PARD3B: variants seen among roughly 807,000 people sequenced by gnomAD.
PARD3B encodes the protein par-3 family cell polarity regulator beta.
A neutral mutation model predicts 130.2 loss-of-function variants in PARD3B; 103 were observed. The observed-to-expected ratio is 0.79, with a 90% confidence interval of 0.67 to 0.93. The LOEUF is 0.93. Ranked by LOEUF, PARD3B falls within the 40% of genes least tolerant of loss-of-function variation. The probability of loss-of-function intolerance (pLI) is 0.00; values close to 1 mark genes in which losing one functional copy is unlikely to be tolerated. For synonymous variants in PARD3B, 583 were observed against 553.2 expected (o/e 1.05, Z -0.76); for missense variants, 1,609 against 1,499.2 (o/e 1.07, Z -1.21).
intron 16 of PARD3B, among the ~76,000 whole-genome samples, chr2:205,285,309 G>T (rs73056488): frequency 5.7e-4 from 87 of 152,164 alleles, no homozygotes; most frequent in African/African-American, 2.1e-3. Context: ...TGTTGTTGTT[G>T]TTGTTCTGCC....
chr2:205,261,251 G>T (rs1013000231), intron 16 of PARD3B, among the ~76,000 whole-genome samples: 1 of 151,916 alleles, frequency 6.6e-6, no homozygotes, highest in African/African-American at 2.4e-5. Context: ...TTTGTTAAAT[G>T]AATGAATGAA....
chr2:205,007,864 T>C (rs1695402688), intron 3 of PARD3B, among the ~76,000 whole-genome samples: 1 of 152,170 alleles, frequency 6.6e-6, no homozygotes. Flanking sequence ...TCTATGATTT[T>C]TTTTAGAAGT....
intron 6 of PARD3B, among the ~76,000 whole-genome samples, chr2:205,114,515 G>C (rs979933331): frequency 2.0e-5 from 3 of 152,024 alleles, no homozygotes; most frequent in African/African-American, 4.8e-5. Flanking sequence ...TCAAAGACGA[G>C]ACAAGTCAAT....
chr2:204,884,000 G>T (rs1443236801), intron 2 of PARD3B, among the ~76,000 whole-genome samples: 2 of 152,192 alleles, frequency 1.3e-5, no homozygotes, highest in East Asian at 3.9e-4. Context: ...GCCTCCCAAA[G>T]TGTTGGGATT....
chr2:205,419,336 A>G (rs987667423), intron 19 of PARD3B, among the ~76,000 whole-genome samples: 4 of 151,832 alleles, frequency 2.6e-5, no homozygotes, highest in Non-Finnish European at 4.4e-5. Flanking sequence ...TGCCTTCGCC[A>G]TGATGTGAGG....
intron 1 of PARD3B, among the ~76,000 whole-genome samples, chr2:204,637,627 G>A (rs568084289): frequency 6.6e-5 from 10 of 151,986 alleles, no homozygotes; most frequent in Non-Finnish European, 1.5e-4. Flanking sequence ...CTAGGTTAAA[G>A]TAACAGTATT....
intron 19 of PARD3B, among the ~76,000 whole-genome samples, chr2:205,436,567 A>G (rs1207679088): frequency 6.6e-6 from 1 of 152,052 alleles, no homozygotes; most frequent in Non-Finnish European, 1.5e-5. Flanking sequence ...ATTATCTTCT[A>G]CGGAAGTTTT....
chr2:205,000,573 A>C (rs1694747122), intron 3 of PARD3B, among the ~76,000 whole-genome samples: 1 of 152,198 alleles, frequency 6.6e-6, no homozygotes, highest in African/African-American at 2.4e-5. Context: ...CCAAACGTCT[A>C]CTCAAGTTTA....
intron 3 of PARD3B, among the ~76,000 whole-genome samples, chr2:205,045,059 G>A (rs1056481293): frequency 2.0e-5 from 3 of 150,420 alleles, no homozygotes; most frequent in African/African-American, 7.3e-5. Context: ...CAGAAAAGCC[G>A]AGAAGAAGAA....
At chr2:205,336,163 CT>C (rs977433570) in intron 18 of PARD3B, among the ~76,000 whole-genome samples, 89 of 152,288 alleles carry the variant, frequency 5.8e-4, no homozygotes, top group African/African-American at 2.1e-3. Flanking sequence ...CAACCCTTCT[CT>C]TTAATTAAGA....
At chr2:205,436,433 GC>G (rs1229826770) in intron 19 of PARD3B, among the ~76,000 whole-genome samples, 2 of 152,076 alleles carry the variant, frequency 1.3e-5, no homozygotes, top group African/African-American at 4.8e-5. Context: ...TTAGAGGCCA[GC>G]ATGAGTTTGC....
intron 2 of PARD3B, among the ~76,000 whole-genome samples, chr2:204,762,116 A>ATTTTTTTTTTTTTTTTT (rs968166780): frequency 1.0e-5 from 1 of 95,378 alleles, no homozygotes; most frequent in African/African-American, 4.1e-5. Flanking sequence ...TTCTTTTTCT[A>ATTTTTTTTTTTTTTTTT]TTTTTTTTTT....
intron 2 of PARD3B, among the ~76,000 whole-genome samples, chr2:204,953,895 C>T (rs553260551): frequency 2.6e-5 from 4 of 151,640 alleles, no homozygotes; most frequent in Non-Finnish European, 5.9e-5. Context: ...ATTTATAAAT[C>T]TAAAACTAAC....
At chr2:205,205,717 TC>T (rs1314094796) in intron 15 of PARD3B, among the ~76,000 whole-genome samples, 1 of 152,230 alleles carries the variant, frequency 6.6e-6, no homozygotes, top group African/African-American at 2.4e-5. Flanking sequence ...GTGGTTTTTG[TC>T]ATTGGTTCCG....
chr2:205,390,742 C>A (rs1450155433), intron 18 of PARD3B, among the ~76,000 whole-genome samples: 1 of 152,076 alleles, frequency 6.6e-6, no homozygotes, highest in African/African-American at 2.4e-5. Flanking sequence ...AAAATCATTT[C>A]TTCATATTGT....
intron 3 of PARD3B, among the ~76,000 whole-genome samples, chr2:204,989,302 T>C (rs1410752147): frequency 6.6e-6 from 1 of 151,904 alleles, no homozygotes. Flanking sequence ...GAATGTAAGG[T>C]AGGGAAAAAT....
chr2:204,652,729 A>AGTTCTTTCTACAGATAGGAAGTTCTC (rs2035520459), intron 1 of PARD3B, among the ~76,000 whole-genome samples: 8 of 151,718 alleles, frequency 5.3e-5, no homozygotes, highest in African/African-American at 1.7e-4. Context: ...GAGACTGGGT[A>AGTTCTTTCTACAGATAGGAAGTTCTC]ATTTATGAGC....
intron 2 of PARD3B, among the ~76,000 whole-genome samples, chr2:204,933,359 A>T (rs549156155): frequency 2.4e-4 from 36 of 152,350 alleles, no homozygotes; most frequent in African/African-American, 8.7e-4. Context: ...GATAGATCAC[A>T]GGGACTTTAA....
Position 205,269,132 on chromosome 2 carries a change from C to T in PARD3B, c.2185+23310C>T, listed in dbSNP as rs1169791730. Among the ~76,000 whole-genome samples the T allele has an allele frequency of 6.6e-6, 1 of 152,068 alleles. No individual in the cohort carries two copies. Among genetic ancestry groups the T allele is most frequent in the East Asian group, 1.9e-4 (1 of 5,182 alleles). On this transcript the variant is annotated intron_variant, in intron 16 of 22. Coordinates refer to ENST00000406610, the MANE Select transcript of PARD3B (RefSeq NM_001302769.2). The surrounding 1 kb of genome is among the most constrained non-coding windows in gnomAD (Gnocchi z 4.7). Reference sequence around the variant, plus strand: ...TAGACTTGTTTAAATATGTAAATCACTCAAAACTCAGAATTTTTGCATTTG... The same window carrying T: ...TAGACTTGTTTAAATATGTAAATCATTCAAAACTCAGAATTTTTGCATTTG...
Sources: gnomAD v4.1 joint callset for allele counts (sites outside exome capture counted in the v4.1 genomes callset) on GRCh38, gnomAD v4.1.1 for gene constraint, Gnocchi (gnomAD v3.1) non-coding constraint, MANE v1.5 for transcripts, NCBI Gene and HGNC (gene_info 2026-07-23, HGNC 2026-07-21) for gene names.